Variants in CFAP47 observed in about 807,000 individuals in gnomAD.
CFAP47 encodes the protein cilia- and flagella-associated protein 47.
In CFAP47, 29 loss-of-function variants were observed where a neutral mutation model predicts 148.1. The observed-to-expected ratio is 0.20, with a 90% CI of 0.15 to 0.27. The LOEUF (loss-of-function observed/expected upper bound fraction) is 0.27. Among genes scored for constraint, CFAP47 ranks in the 10% least tolerant of loss-of-function variants. The probability of loss-of-function intolerance (pLI) is 1.00; values close to 1 mark genes in which losing one functional copy is unlikely to be tolerated. For synonymous variants in CFAP47, 664 were observed against 577.3 expected, an observed-to-expected ratio of 1.15 and a Z score of -2.15; for missense variants, 1,872 against 1,697.5, an observed-to-expected ratio of 1.10 and a Z score of -1.81.
intron 49 of CFAP47, among the ~76,000 whole-genome samples, chrX:36,271,574 A>C (rs1940959552): frequency 8.9e-6 from 1 of 112,064 alleles, no homozygotes; most frequent in Admixed American, 9.5e-5. Flanking sequence ...AGTGTACTTC[A>C]AAACATTTAT....
chrX:36,379,211 A>G (rs973439304), intron 62 of CFAP47, 139 bp from the exon 63 acceptor site: 12 of 511,196 alleles, frequency 2.3e-5, no homozygotes, highest in African/African-American at 2.2e-4. Context: ...ATGCCTCCTC[A>G]CTATTATTTG....
At position 36,270,319 on chromosome X, in the gene CFAP47, A is replaced by G. The variant is rs188129450; in HGVS notation, c.7445-10168A>G. Among the ~76,000 whole-genome samples, 5 of 110,818 alleles carry G rather than the reference A, an allele frequency of 4.5e-5. No homozygotes were observed. The East Asian group carries it at 1.4e-3, about 31-fold the overall frequency. On this transcript the variant is annotated intron_variant, in intron 49 of 63. Coordinates refer to ENST00000378653, the MANE Select transcript of CFAP47 (RefSeq NM_001304548.2). Reference sequence around the variant, plus strand: ...ATCCAGTTCCTCCACATTCTTGACCATACTTAATAGGGTTACTCATTCTAA... The same window carrying G: ...ATCCAGTTCCTCCACATTCTTGACCGTACTTAATAGGGTTACTCATTCTAA...
At chrX:36,336,099 G>C (rs1941602444) in intron 57 of CFAP47, among the ~76,000 whole-genome samples, 1 of 110,085 alleles carries the variant, frequency 9.1e-6, no homozygotes, top group East Asian at 2.8e-4. Context: ...GCCTAGTTAA[G>C]ACTTCCCCTC....
In CFAP47 at chrX:35,924,018, T is replaced by C. The variant is rs968323054; in HGVS notation, c.250-1999T>C. 6.0e-5 allele frequency among the ~76,000 whole-genome samples: 5 copies of C among 83,508 alleles called. 1 individual carries two copies. Among genetic ancestry groups the C allele is most frequent in the Admixed American group, 2.9e-4 (2 of 7,004 alleles). The allele number at this position is 83,508 out of a possible 115,157, so 72.5% of individuals were successfully genotyped here. Reference sequence around the variant, plus strand: ...ATATGTGTATATGTGTAAATATATATGCACATATATATGCACATATATGTG... The same window carrying C: ...ATATGTGTATATGTGTAAATATATACGCACATATATATGCACATATATGTG... On this transcript the variant is annotated intron_variant, in intron 1 of 63. Transcript: ENST00000378653.
intron 30 of CFAP47, among the ~76,000 whole-genome samples, chrX:36,089,103 C>A (rs1229058832): frequency 1.8e-5 from 2 of 111,856 alleles, no homozygotes; most frequent in Admixed American, 1.9e-4. Context: ...TGCGGTGGCT[C>A]ACGCGTATAA....
intron 39 of CFAP47, among the ~76,000 whole-genome samples, chrX:36,167,719 A>G (rs1455788496): frequency 8.9e-6 from 1 of 111,934 alleles, no homozygotes; most frequent in East Asian, 2.8e-4. Flanking sequence ...TGGCAAAAAC[A>G]GTCTGAAACT....
chrX:35,965,799 C>G (rs1311513478), intron 8 of CFAP47, among the ~76,000 whole-genome samples: 1 of 110,900 alleles, frequency 9.0e-6, no homozygotes, highest in Admixed American at 9.6e-5. Flanking sequence ...ATTCTTTTCC[C>G]TCTTTTGGCT....
intron 6 of CFAP47, among the ~76,000 whole-genome samples, chrX:35,953,214 A>G (rs6632431): frequency 1.8e-5 from 2 of 112,325 alleles, no homozygotes; most frequent in African/African-American, 6.5e-5. Context: ...AATGTTTTTT[A>G]TTATGCCCAA....
At chrX:36,325,933 G>A (rs920416975) in intron 57 of CFAP47, among the ~76,000 whole-genome samples, 6 of 110,867 alleles carry the variant, frequency 5.4e-5, no homozygotes, top group African/African-American at 9.8e-5. Flanking sequence ...TCATAATTTC[G>A]TTACTCTCCA....
intron 45 of CFAP47, among the ~76,000 whole-genome samples, chrX:36,221,043 A>G (rs1940208105): frequency 9.0e-6 from 1 of 111,545 alleles, no homozygotes; most frequent in South Asian, 3.7e-4. Context: ...ACCATTTAAA[A>G]CTCAGAGATT....
intron 60 of CFAP47, among the ~76,000 whole-genome samples, chrX:36,359,657 C>T (rs782068793): frequency 8.9e-6 from 1 of 111,780 alleles, no homozygotes; most frequent in African/African-American, 3.2e-5. Context: ...TTCATTTCAG[C>T]TTGAAAAACT....
At chrX:35,961,292 A>T (rs1026295715) in intron 8 of CFAP47, among the ~76,000 whole-genome samples, 4 of 111,778 alleles carry the variant, frequency 3.6e-5, no homozygotes, top group African/African-American at 9.7e-5. Flanking sequence ...GCAGATTTTT[A>T]AAAAATGTTT....
At chrX:36,118,705 A>C (rs59243009) in intron 33 of CFAP47, among the ~76,000 whole-genome samples, 11,609 of 110,823 alleles carry the variant, frequency 0.1, 1,215 homozygotes, top group African/African-American at 0.32. Context: ...TGATCTCCTG[A>C]CCTTGTGATC....
In CFAP47 at chrX:36,138,257, T is replaced by G. The variant is rs940489212; in HGVS notation, c.5419-91T>G. On this transcript the variant is annotated intron_variant, in intron 34 of 63. Transcript: ENST00000378653. ...ATTTATTACTGACAAATATTAATAT[T>G]TAAATGATTCTTTGCCTAACTATAG... is the stretch of plus-strand genomic sequence containing the variant. 5 of 886,593 alleles carry G rather than the reference T, an allele frequency of 5.6e-6. No individual in the cohort carries two copies. The African/African-American group carries it at 1.1e-4, about 19-fold the overall frequency. The allele number at this position is 886,593 out of a possible 1,213,427, so 73.1% of individuals were successfully genotyped here.
At chrX:36,111,198 CT>C (rs1296713045) in intron 33 of CFAP47, among the ~76,000 whole-genome samples, 1 of 111,618 alleles carries the variant, frequency 9.0e-6, no homozygotes, top group Non-Finnish European at 1.9e-5. Flanking sequence ...AAAAGGAATG[CT>C]TCCACCTTTG....
chrX:36,371,797 TAC>T (rs1294714615), intron 62 of CFAP47, among the ~76,000 whole-genome samples: 3 of 57,153 alleles, frequency 5.2e-5, no homozygotes, highest in Admixed American at 3.2e-4. Context: ...TGTGTGTATA[TAC>T]ACACATGTAT....
At chrX:36,284,442 C>T (rs1556004131) in intron 50 of CFAP47, among the ~76,000 whole-genome samples, 1 of 111,050 alleles carries the variant, frequency 9.0e-6, no homozygotes, top group Non-Finnish European at 1.9e-5. Context: ...ATTTTAGATA[C>T]CTAAAGTGTT....
intron 33 of CFAP47, among the ~76,000 whole-genome samples, chrX:36,126,696 A>G (rs1938845255): frequency 8.9e-6 from 1 of 112,148 alleles, no homozygotes; most frequent in Non-Finnish European, 1.9e-5. Flanking sequence ...TGGTTGAACT[A>G]ATTTACACTC....
At chrX:36,110,525 T>A (rs150963123) in intron 33 of CFAP47, among the ~76,000 whole-genome samples, 1,831 of 111,900 alleles carry the variant, frequency 0.016, 48 homozygotes, top group African/African-American at 0.057. Context: ...TTTGTATAGT[T>A]TGAAGTTGGA....
Sources: allele counts gnomAD v4.1 joint callset (sites outside exome capture counted in the v4.1 genomes callset), GRCh38; gene constraint gnomAD v4.1.1; transcripts MANE v1.5; gene names NCBI Gene and HGNC (gene_info 2026-07-23, HGNC 2026-07-21).